Variants in MYEF2 observed in about 807,000 individuals in gnomAD.
MYEF2 encodes the protein myelin expression factor 2.
In MYEF2, 37 loss-of-function variants were observed where a neutral mutation model predicts 75.2. The observed-to-expected ratio is 0.49, with a 90% CI of 0.38 to 0.65. The LOEUF (loss-of-function observed/expected upper bound fraction) is 0.65, where lower values mean the gene tolerates loss of function less well. MYEF2 is among the 30% of genes least tolerant of loss of function. The pLI, the probability that MYEF2 is intolerant of heterozygous loss-of-function variation, is 0.00. For missense variants in MYEF2, 634 were observed against 771.4 expected, an observed-to-expected ratio of 0.82 and a Z score of 2.11; for synonymous variants, 195 against 241.6, an observed-to-expected ratio of 0.81 and a Z score of 1.79.
chr15:48,177,273 G>T (rs1366497088), intron 1 of MYEF2, among the ~76,000 whole-genome samples: 1 of 152,024 alleles, frequency 6.6e-6, no homozygotes, highest in Non-Finnish European at 1.5e-5. Context: ...TATGGATTGG[G>T]GTCAACTAAA....
At chr15:48,178,021 C>T (rs1457203925) in intron 1 of MYEF2, 56 bp downstream of exon 1, 2 of 1,542,850 alleles carry the variant, frequency 1.3e-6, no homozygotes, top group South Asian at 2.4e-5. Flanking sequence ...CCTCTAGCCG[C>T]CCGGTAGACT....
At chr15:48,163,694 T>A (rs1334841809) in intron 5 of MYEF2, among the ~76,000 whole-genome samples, 2 of 152,186 alleles carry the variant, frequency 1.3e-5, no homozygotes, top group African/African-American at 4.8e-5. Context: ...ACTCTTTTAT[T>A]AGGGGCTAAT....
At chr15:48,154,002 T>C (rs969428948) in intron 9 of MYEF2, 109 bp from the exon 10 acceptor site, 23 of 821,594 alleles carry the variant, frequency 2.8e-5, no homozygotes, top group Non-Finnish European at 4.2e-5. Context: ...GTAAAATTTC[T>C]GCAAATTTTC....
chr15:48,159,069 T>C, intron 6 of MYEF2, 147 bp from the exon 7 acceptor site: 2 of 697,930 alleles, frequency 2.9e-6, no homozygotes, highest in Non-Finnish European at 2.3e-6. Context: ...TTTTAAAACA[T>C]CTTCAGTTGC....
In MYEF2 at chr15:48,141,983, C is replaced by A; in HGVS notation, c.*925G>T. 1 of 1,322,028 alleles carries A rather than the reference C, an allele frequency of 7.6e-7. No individual in the cohort carries two copies. Among genetic ancestry groups the A allele is most frequent in the Admixed American group, 2.3e-5 (1 of 43,332 alleles). The allele number at this position is 1,322,028 out of a possible 1,614,324, so 81.9% of individuals were successfully genotyped here. Reference sequence around the variant, plus strand: ...TTTCTTATGAAGATTATTAATAAAACACAGTATTGGTAAGCACATTTTAAC... The same window carrying A: ...TTTCTTATGAAGATTATTAATAAAAAACAGTATTGGTAAGCACATTTTAAC... On this transcript the variant is annotated 3_prime_UTR_variant, in exon 17 of 17. Transcript: ENST00000324324.
rs2039587901 is a variant in MYEF2, at chr15:48,153,900, C to G, written c.986-7G>C. ...CCAATGCCTCCAAGACCACCTAAAA[C>G]AAAAATGAGAACAATCATTACAAAG... is the stretch of plus-strand genomic sequence containing the variant. On this transcript the variant is annotated splice_polypyrimidine_tract_variant and splice_region_variant and intron_variant, in intron 9 of 16. Coordinates refer to ENST00000324324, the MANE Select transcript of MYEF2 (RefSeq NM_016132.5). 1 of 1,605,992 alleles carries G rather than the reference C, an allele frequency of 6.2e-7. No homozygotes were observed. Among genetic ancestry groups the G allele is most frequent in the African/African-American group, 1.3e-5 (1 of 74,412 alleles).
At chr15:48,166,667 G>A (rs2044437004) in intron 3 of MYEF2, among the ~76,000 whole-genome samples, 1 of 151,914 alleles carries the variant, frequency 6.6e-6, no homozygotes, top group Admixed American at 6.6e-5. Flanking sequence ...TTAATTTGGA[G>A]AGTTATTTAA....
chr15:48,140,552 A>AT lies in MYEF2; in HGVS notation c.*2355dup, dbSNP rs1457635846. 1 of 151,904 alleles carries AT rather than the reference A, an allele frequency of 6.6e-6. No homozygotes were observed. The highest frequency in any genetic ancestry group is 2.4e-5 in the African/African-American group (1 of 41,138). The allele number at this position is 151,904 out of a possible 1,614,324, so 9.4% of individuals were successfully genotyped here. ...ACAGAAGTATTAATAAATTGGGACC[A>AT]TATGTTAGACTCAAGTAGAAAACAG... On this transcript the variant is annotated 3_prime_UTR_variant, in exon 17 of 17. Transcript: ENST00000324324.
chr15:48,153,519 A>T (rs2039575424), intron 10 of MYEF2: 1 of 311,002 alleles, frequency 3.2e-6, no homozygotes, highest in African/African-American at 2.1e-5. Context: ...TAGATGATAT[A>T]TTCTCCTTCT....
In MYEF2 at chr15:48,135,194, T is replaced by A. The variant is rs1440346560; in HGVS notation, c.*7714A>T. ...TCTTCTTAATCACTTCACAGTCTCCTTTTTTCTCTCACTAGTCACTGGAGA... is the reference window on the plus strand; with the variant it reads ...TCTTCTTAATCACTTCACAGTCTCCATTTTTCTCTCACTAGTCACTGGAGA... On this transcript the variant is annotated 3_prime_UTR_variant, in exon 17 of 17. Transcript: ENST00000324324. 2.5e-6 allele frequency: 1 copy of A among 400,748 alleles called. No individual in the cohort carries two copies. The highest frequency in any genetic ancestry group is 3.9e-5 in the East Asian group (1 of 25,386). 24.8% of individuals were successfully genotyped at this position (400,748 alleles called of 1,614,324 possible).
In MYEF2 at chr15:48,139,228, AT is replaced by A; in HGVS notation, c.*3679del. The A allele has an allele frequency of 1.4e-6, 2 of 1,461,488 alleles. No homozygotes were observed. Among genetic ancestry groups the A allele is most frequent in the Non-Finnish European group, 1.9e-6 (2 of 1,052,674 alleles). 90.5% of individuals were successfully genotyped at this position (1,461,488 alleles called of 1,614,324 possible). The stretch of plus-strand genomic sequence containing the variant: ...CTTGAAAATATTCATATAAGAACAA[AT>A]TGCATATGTTCACTCAAAGTAGTCT... On this transcript the variant is annotated 3_prime_UTR_variant, in exon 17 of 17. Coordinates refer to ENST00000324324, the MANE Select transcript of MYEF2 (RefSeq NM_016132.5).
At chr15:48,154,443 T>C (rs1227968408) in intron 9 of MYEF2, among the ~76,000 whole-genome samples, 1 of 152,098 alleles carries the variant, frequency 6.6e-6, no homozygotes, top group East Asian at 1.9e-4. Flanking sequence ...GAAGAGGAAA[T>C]TTTTGAGACC....
At chr15:48,151,011 A>G (rs2039471440) in intron 14 of MYEF2, 89 bp downstream of exon 14, 1 of 785,202 alleles carries the variant, frequency 1.3e-6, no homozygotes, top group Non-Finnish European at 2.0e-6. Context: ...ATAAGAACAA[A>G]GTATTACTAT....
chr15:48,152,131 C>G, intron 11 of MYEF2, 103 bp downstream of exon 11: 1 of 1,278,290 alleles, frequency 7.8e-7, no homozygotes, highest in Non-Finnish European at 1.1e-6. Flanking sequence ...GAACATGAGC[C>G]AACAATAAAC....
In MYEF2 at chr15:48,159,614, T is replaced by C; in HGVS notation, c.716A>G (p.Asn239Ser). ...GRLGSTIFVA[N>S]LDFKVGWKKL... ...TTTTAGACTAAAGCTTGAACTTACA[T>C]TGGCAACAAAAATTGTGGAACCAAG... is the stretch of plus-strand genomic sequence containing the variant. Residue 239 changes from asparagine (N) to serine (S), a missense_variant and splice_region_variant, in exon 6 of 17, where the codon AAT becomes AGT. By Grantham distance (46) the Asn-to-Ser change is conservative. Transcript: ENST00000324324. The C allele has an allele frequency of 1.2e-6, 2 of 1,609,508 alleles. No homozygotes were observed. Among genetic ancestry groups the C allele is most frequent in the Non-Finnish European group, 1.7e-6 (2 of 1,178,666 alleles).
In MYEF2 at chr15:48,137,152, T is replaced by C; in HGVS notation, c.*5756A>G. On this transcript the variant is annotated 3_prime_UTR_variant, in exon 17 of 17. Transcript: ENST00000324324. Reference sequence around the variant, plus strand: ...CAGGAAATACAAAATAGCTAAAGTATGAACGTTAAGTACCATAAAAAGAGA... The same window carrying C: ...CAGGAAATACAAAATAGCTAAAGTACGAACGTTAAGTACCATAAAAAGAGA... The C allele has an allele frequency of 3.4e-6, 2 of 591,526 alleles. No homozygotes were observed. The highest frequency in any genetic ancestry group is 5.4e-5 in the South Asian group (2 of 37,112). The allele number at this position is 591,526 out of a possible 1,614,324, so 36.6% of individuals were successfully genotyped here.
At chr15:48,161,914 A>G (rs537048373) in intron 5 of MYEF2, among the ~76,000 whole-genome samples, 1 of 150,148 alleles carries the variant, frequency 6.7e-6, no homozygotes, top group Admixed American at 6.6e-5. Context: ...TTAATCCTCA[A>G]AATAATCATT....
rs181488402 is a variant in MYEF2, at chr15:48,142,273, C to T, written c.*635G>A. The T allele has an allele frequency of 8.7e-6, 14 of 1,613,562 alleles. No individual in the cohort carries two copies. In the Admixed American group the frequency reaches 2.0e-4, roughly 23 times the overall value. ...TGGGAATAGTCTGCCTATTATCATA[C>T]TTGGGGCTTGCTACATTATCAGTTC... On this transcript the variant is annotated 3_prime_UTR_variant, in exon 17 of 17. Transcript: ENST00000324324.
At position 48,136,242 on chromosome 15, in the gene MYEF2, T is replaced by C. The variant is rs2140737944; in HGVS notation, c.*6666A>G. On this transcript the variant is annotated 3_prime_UTR_variant, in exon 17 of 17. Transcript: ENST00000324324. ...ACACAAAGTTCCTATACCAGAAAAC[T>C]TGGACAGTTGAAATAACTTAACAGT... 1 of 152,520 alleles carries C rather than the reference T, an allele frequency of 6.6e-6. No individual in the cohort carries two copies. Among genetic ancestry groups the C allele is most frequent in the Middle Eastern group, 3.4e-3 (1 of 294 alleles). The allele number at this position is 152,520 out of a possible 1,614,324, so 9.4% of individuals were successfully genotyped here. A position where few individuals can be genotyped will look rare whatever the true frequency, so the allele number is the denominator to read the frequency against.
Sources: allele counts gnomAD v4.1 joint callset (sites outside exome capture counted in the v4.1 genomes callset), GRCh38; gene constraint gnomAD v4.1.1; transcripts MANE v1.5; gene names NCBI Gene and HGNC (gene_info 2026-07-23, HGNC 2026-07-21).